APP: variants seen among roughly 807,000 people sequenced by gnomAD.
APP encodes the protein amyloid-beta precursor protein.
In APP, 31 loss-of-function variants were observed where a neutral mutation model predicts 101.4. That is an observed-to-expected ratio of 0.31 (90% confidence interval 0.23 to 0.41). The LOEUF is 0.41. APP is among the 10% of genes least tolerant of loss of function. APP has a pLI of 1.00. For missense variants in APP, 839 were observed against 1,003.7 expected (o/e 0.84, Z 2.22); for synonymous variants, 366 against 364.4 (o/e 1.00, Z -0.05).
At chr21:26,030,840 T>C (rs939305779) in intron 5 of APP, among the ~76,000 whole-genome samples, 1 of 152,186 alleles carries the variant, frequency 6.6e-6, no homozygotes, top group Non-Finnish European at 1.5e-5. Context: ...ATATATATTT[T>C]GGGTGGAGAG....
At chr21:26,090,829 A>G (rs1281536123) in intron 2 of APP, among the ~76,000 whole-genome samples, 5 of 152,360 alleles carry the variant, frequency 3.3e-5, no homozygotes, top group East Asian at 1.9e-4. Context: ...AGTAATTTAC[A>G]TGAAAATAAC....
chr21:25,994,911 T>C (rs115685399), intron 8 of APP, among the ~76,000 whole-genome samples: 13 of 152,374 alleles, frequency 8.5e-5, no homozygotes, highest in African/African-American at 3.1e-4. Flanking sequence ...CCTTGTCTGT[T>C]TGTACTAGCA....
chr21:26,113,883 A>C (rs1488532676), intron 1 of APP, among the ~76,000 whole-genome samples: 1 of 152,246 alleles, frequency 6.6e-6, no homozygotes, highest in Non-Finnish European at 1.5e-5. Context: ...TAACACTGCA[A>C]AAACATTAAA....
intron 15 of APP, among the ~76,000 whole-genome samples, chr21:25,899,960 A>G (rs978313645): frequency 3.3e-5 from 5 of 152,068 alleles, no homozygotes; most frequent in Admixed American, 6.6e-5. Flanking sequence ...GGTCCTCTCA[A>G]TGACCTAACC....
intron 17 of APP, among the ~76,000 whole-genome samples, chr21:25,890,221 G>C (rs1311879951): frequency 6.6e-6 from 1 of 152,180 alleles, no homozygotes; most frequent in Admixed American, 6.5e-5. Flanking sequence ...ATCCACGTCA[G>C]TATGAATGGG....
intron 2 of APP, among the ~76,000 whole-genome samples, chr21:26,099,267 T>C (rs976569233): frequency 6.6e-6 from 1 of 152,122 alleles, no homozygotes; most frequent in Admixed American, 6.5e-5. Context: ...CTATACCAAA[T>C]TGTTTCAGAG....
chr21:26,019,643 A>G (rs1041910590), intron 6 of APP, among the ~76,000 whole-genome samples: 1 of 29,814 alleles, frequency 3.4e-5, no homozygotes, highest in African/African-American at 1.5e-4. Flanking sequence ...GCAGGTGCTC[A>G]AAATCTAATG....
At chr21:25,890,512 G>A (rs148771242) in intron 17 of APP, among the ~76,000 whole-genome samples, 96 of 152,236 alleles carry the variant, frequency 6.3e-4, no homozygotes, top group Middle Eastern at 3.4e-3. Flanking sequence ...AAGCCAAGGC[G>A]GGTGGATCAC....
intron 13 of APP, 133 bp from the exon 14 acceptor site, chr21:25,912,095 C>T: frequency 2.7e-6 from 2 of 733,082 alleles, no homozygotes; most frequent in South Asian, 3.0e-5. Context: ...AGAGCCATGA[C>T]ATAGGTACCA....
intron 3 of APP, among the ~76,000 whole-genome samples, chr21:26,064,417 C>T (rs1454764118): frequency 1.3e-5 from 2 of 152,090 alleles, no homozygotes; most frequent in African/African-American, 4.8e-5. Context: ...AATATAAAGT[C>T]TATTTTAAAA....
At chr21:26,029,866 G>A (rs944139211) in intron 5 of APP, among the ~76,000 whole-genome samples, 1 of 152,158 alleles carries the variant, frequency 6.6e-6, no homozygotes, top group African/African-American at 2.4e-5. Context: ...AATACGGATT[G>A]TAAAAATGAC....
intron 6 of APP, among the ~76,000 whole-genome samples, chr21:26,000,946 TTA>T: frequency 6.6e-6 from 1 of 151,876 alleles, no homozygotes; most frequent in Non-Finnish European, 1.5e-5. Context: ...TAATTGATAT[TTA>T]TATATTAAAA....
At chr21:26,052,430 T>C (rs1393281823) in intron 4 of APP, among the ~76,000 whole-genome samples, 1 of 151,406 alleles carries the variant, frequency 6.6e-6, no homozygotes, top group Non-Finnish European at 1.5e-5. Context: ...TAAAGGAGCC[T>C]AATTCTAGTT....
intron 3 of APP, among the ~76,000 whole-genome samples, chr21:26,058,741 GC>G (rs1240029181): frequency 6.6e-6 from 1 of 151,924 alleles, no homozygotes; most frequent in Non-Finnish European, 1.5e-5. Flanking sequence ...TTTGAGGCCA[GC>G]CTGCATAACT....
At chr21:25,914,708 C>T (rs1037926356) in intron 13 of APP, among the ~76,000 whole-genome samples, 6 of 152,104 alleles carry the variant, frequency 3.9e-5, no homozygotes, top group Admixed American at 6.5e-5. Context: ...CGCCCGCCAC[C>T]ACGCCCGGCT....
At chr21:26,093,611 T>A (rs563897782) in intron 2 of APP, among the ~76,000 whole-genome samples, 11 of 152,320 alleles carry the variant, frequency 7.2e-5, no homozygotes, top group Admixed American at 1.3e-4. Flanking sequence ...GTAGGTAGAA[T>A]TGCAAATTGA....
intron 16 of APP, among the ~76,000 whole-genome samples, chr21:25,894,303 CTT>C (rs1569018275): frequency 2.0e-5 from 3 of 152,254 alleles, no homozygotes; most frequent in African/African-American, 7.2e-5. Flanking sequence ...ATTTCAGCCT[CTT>C]ATTATTTCAA....
rs767211549 is a variant in APP at position 26,170,602 on chromosome 21, G to C, written c.19C>G (p.Leu7Val). The C allele has an allele frequency of 7.8e-6, 12 of 1,538,406 alleles. No homozygotes were observed. Among genetic ancestry groups the C allele is most frequent in the East Asian group, 7.3e-5 (3 of 40,888 alleles). The change falls in exon 1 of 18, where the codon CTG (leucine) becomes GTG (valine). Residue 7 changes from leucine (L) to valine (V), a missense_variant. Transcript: ENST00000346798. ...GCCGTCCAGGCGGCCAGCAGGAGCA[G>C]TGCCAAACCGGGCAGCATCGCGACC... The part of the protein sequence containing the change: MLPGLA[L>V]LLLAAWTARA...
At chr21:25,932,659 T>A (rs1569073522) in intron 13 of APP, among the ~76,000 whole-genome samples, 1 of 152,186 alleles carries the variant, frequency 6.6e-6, no homozygotes, top group African/African-American at 2.4e-5. Flanking sequence ...ATAGTTACTT[T>A]AAAAATGTTA....
Sources: gnomAD v4.1 joint callset for allele counts (sites outside exome capture counted in the v4.1 genomes callset) on GRCh38, gnomAD v4.1.1 for gene constraint, MANE v1.5 for transcripts, NCBI Gene and HGNC (gene_info 2026-07-23, HGNC 2026-07-21) for gene names.